The following GALNT3 variants were observed in gnomAD, a reference collection of about 807,000 sequenced individuals.
The protein encoded by GALNT3 is GalNAc transferase 3.
Under a neutral mutation model 69.8 loss-of-function variants are expected in GALNT3, and 51 were observed. The observed-to-expected ratio is 0.73, with a 90% confidence interval of 0.58 to 0.92. The LOEUF (loss-of-function observed/expected upper bound fraction) is 0.92, where lower values mean the gene tolerates loss of function less well. Ranked by LOEUF, GALNT3 falls within the 40% of genes least tolerant of loss-of-function variation. GALNT3 has a pLI of 0.00. For synonymous variants in GALNT3, 265 were observed against 248.5 expected (o/e 1.07, Z -0.63); for missense variants, 711 against 760.0 (o/e 0.94, Z 0.76).
chr2:165,786,603 A>G, intron 1 of GALNT3, among the ~76,000 whole-genome samples: 1 of 152,106 alleles, frequency 6.6e-6, no homozygotes, highest in Non-Finnish European at 1.5e-5. Flanking sequence ...GTGCTTTTTT[A>G]TATTATTTTT....
In GALNT3 at chr2:165,787,131, T is replaced by C. The variant is rs555644673; in HGVS notation, c.-109+6884A>G. Among the ~76,000 whole-genome samples, 3 of 152,254 alleles carry C rather than the reference T, an allele frequency of 2.0e-5. No individual in the cohort carries two copies. In the South Asian group the frequency reaches 6.2e-4, roughly 32 times the overall value. ...AGCCTACAGCCTTCACTCTAACCCA[T>C]AGTTAGGGGGAAGGATGTGGTGAGA... On this transcript the variant is annotated intron_variant, in intron 1 of 10. Coordinates refer to ENST00000392701, the MANE Select transcript of GALNT3 (RefSeq NM_004482.4).
In GALNT3 at chr2:165,770,334, C is replaced by A. The variant is rs1483254715; in HGVS notation, c.367G>T (p.Ala123Ser). The change falls in exon 2 of 11, where the codon GCT becomes TCT. Residue 123 changes from alanine to serine, a missense_variant. Physicochemically the swap from Ala to Ser is moderately conservative, Grantham distance 99. Transcript: ENST00000392701. The stretch of plus-strand genomic sequence containing the variant: ...GTTGTCTTGAATGCTTTACCAGAAG[C>A]ACCAGGTGCATTTGAATCCTGAGGT... Reference protein sequence around the residue: ...RPPQDSNAPGASGKAFKTTNL... With the variant: ...RPPQDSNAPGSSGKAFKTTNL... 1 of 1,614,142 alleles carries A rather than the reference C, an allele frequency of 6.2e-7. No individual in the cohort carries two copies. The highest frequency in any genetic ancestry group is 8.5e-7 in the Non-Finnish European group (1 of 1,180,022).
Position 165,770,794 on chromosome 2 carries a change from C to A in GALNT3, c.-94G>T. On this transcript the variant is annotated 5_prime_UTR_variant, in exon 2 of 11. Coordinates refer to ENST00000392701, the MANE Select transcript of GALNT3 (RefSeq NM_004482.4). ...CATAGATTTGCTGAGAAGAAGGTAT[C>A]TTTAATGGTAGTACCTATAAACAGA... is the stretch of plus-strand genomic sequence containing the variant. The A allele has an allele frequency of 1.4e-5, 19 of 1,379,162 alleles. No homozygotes were observed. The highest frequency in any genetic ancestry group is 1.8e-5 in the Non-Finnish European group (18 of 998,582). The allele number at this position is 1,379,162 out of a possible 1,614,324, so 85.4% of individuals were successfully genotyped here.
At chr2:165,760,491 C>G (rs2105408686) in intron 4 of GALNT3, among the ~76,000 whole-genome samples, 1 of 152,304 alleles carries the variant, frequency 6.6e-6, no homozygotes, top group East Asian at 1.9e-4. Context: ...TCCGGGAGGA[C>G]CGTCAGACAT....
intron 2 of GALNT3, among the ~76,000 whole-genome samples, chr2:165,769,031 C>G (rs926865504): frequency 2.9e-4 from 43 of 150,000 alleles, no homozygotes; most frequent in Non-Finnish European, 1.3e-4. Context: ...CTGACCTCAG[C>G]TGATCTGCCC....
chr2:165,748,932 A>C (rs1224965452), intron 10 of GALNT3, 29 bp from the exon 11 acceptor site: 2 of 1,595,642 alleles, frequency 1.3e-6, no homozygotes, highest in Admixed American at 3.4e-5. Flanking sequence ...ACAGACATTA[A>C]ATTCCAAGAC....
Position 165,762,219 on chromosome 2 carries a change from G to C in GALNT3, c.689-165C>G, listed in dbSNP as rs117615074. 1.3e-4 allele frequency among the ~76,000 whole-genome samples: 20 copies of C among 152,144 alleles called. No homozygotes were observed. The East Asian group carries it at 3.5e-3, about 26-fold the overall frequency. On this transcript the variant is annotated intron_variant, in intron 3 of 10. Coordinates refer to ENST00000392701, the MANE Select transcript of GALNT3 (RefSeq NM_004482.4). ...AAATTTTATCTTTAACTCCTTACTG[G>C]GGAAAAAGGCTAGCTATGCAAATTA...
intron 2 of GALNT3, among the ~76,000 whole-genome samples, chr2:165,765,468 G>C (rs1487714080): frequency 1.3e-5 from 2 of 151,260 alleles, no homozygotes; most frequent in East Asian, 3.9e-4. Context: ...TTTCATATTT[G>C]CAACTTTAAA....
At chr2:165,786,820 G>A (rs1051734289) in intron 1 of GALNT3, among the ~76,000 whole-genome samples, 5 of 152,084 alleles carry the variant, frequency 3.3e-5, no homozygotes, top group South Asian at 2.1e-4. Flanking sequence ...AAATAGGGAG[G>A]AAAATAGTAT....
rs772497664 is a variant in GALNT3, at chr2:165,764,927, T to A, written c.645A>T (p.Ile215=). The change falls in exon 3 of 11, where the codon ATA becomes ATT. Residue 215 remains isoleucine (I), a synonymous_variant. Coordinates refer to ENST00000392701, the MANE Select transcript of GALNT3 (RefSeq NM_004482.4). ...VHSVLYSSPA[I]LLKEIILVDD... ...CCACCAAAATGATTTCCTTCAGCAG[T>A]ATTGCAGGTGAAGAATAGAGCACAC... 6.2e-7 allele frequency: 1 copy of A among 1,614,178 alleles called. No homozygotes were observed. The highest frequency in any genetic ancestry group is 1.7e-5 in the Admixed American group (1 of 60,024).
At chr2:165,749,489 TTAA>T (rs1430043334) in intron 10 of GALNT3, among the ~76,000 whole-genome samples, 1 of 152,078 alleles carries the variant, frequency 6.6e-6, no homozygotes, top group African/African-American at 2.4e-5. Flanking sequence ...GCGACTAATA[TTAA>T]TAATTCACAG....
At chr2:165,788,532 A>G (rs1296661717) in intron 1 of GALNT3, among the ~76,000 whole-genome samples, 1 of 151,106 alleles carries the variant, frequency 6.6e-6, no homozygotes, top group Non-Finnish European at 1.5e-5. Context: ...AAAGCAGACT[A>G]TATTTATATC....
chr2:165,778,245 C>T (rs1683016885), intron 1 of GALNT3, among the ~76,000 whole-genome samples: 1 of 152,192 alleles, frequency 6.6e-6, no homozygotes. Flanking sequence ...TTACTTATGG[C>T]ATACTACAGA....
Position 165,765,035 on chromosome 2 carries a change from C to T in GALNT3, c.537G>A (p.Lys179=). The change falls in exon 3 of 11, where the codon AAG becomes AAA. Residue 179 remains lysine (K), a synonymous_variant. Coordinates refer to ENST00000392701, the MANE Select transcript of GALNT3 (RefSeq NM_004482.4). ...TGGTGGTGGGCAGGGGAGGGCAGCG[C>T]TTAAATTTTTGTTCAATACATCTAG... ...RPPECIEQKF[K]RCPPLPTTSV... 7 of 1,614,058 alleles carry T rather than the reference C, an allele frequency of 4.3e-6. No individual in the cohort carries two copies. Among genetic ancestry groups the T allele is most frequent in the Non-Finnish European group, 5.9e-6 (7 of 1,179,986 alleles).
Position 165,749,258 on chromosome 2 carries a change from A to G in GALNT3, c.1780-355T>C, listed in dbSNP as rs537563169. 1.6e-4 allele frequency among the ~76,000 whole-genome samples: 24 copies of G among 152,292 alleles called. No homozygotes were observed. The South Asian group carries it at 5.0e-3, about 32-fold the overall frequency. On this transcript the variant is annotated intron_variant, in intron 10 of 10. Transcript: ENST00000392701. ...GTACTGCACAAAACAATGTTCAGGT[A>G]AGAATTGCTATGATACAGCTAAGCC...
chr2:165,754,917 C>T lies in GALNT3; in HGVS notation c.1524+15G>A. ...AGGAGTATATTAATTAAAAAAGGAACAGGAAAATACTCACGTATCCAGATA... is the reference window on the plus strand; with the variant it reads ...AGGAGTATATTAATTAAAAAAGGAATAGGAAAATACTCACGTATCCAGATA... On this transcript the variant is annotated intron_variant, in intron 8 of 10. Transcript: ENST00000392701. 6.2e-7 allele frequency: 1 copy of T among 1,612,692 alleles called. No individual in the cohort carries two copies. The highest frequency in any genetic ancestry group is 8.5e-7 in the Non-Finnish European group (1 of 1,178,988).
chr2:165,748,906 A>T lies in GALNT3; in HGVS notation c.1780-3T>A. 1 of 1,608,324 alleles carries T rather than the reference A, an allele frequency of 6.2e-7. No individual in the cohort carries two copies. The highest frequency in any genetic ancestry group is 1.3e-5 in the African/African-American group (1 of 74,886). On this transcript the variant is annotated splice_region_variant and splice_polypyrimidine_tract_variant and intron_variant, in intron 10 of 10. Coordinates refer to ENST00000392701, the MANE Select transcript of GALNT3 (RefSeq NM_004482.4). ...AATGGATTGTATAGAAGTTGATCCTAGAATAAAAGGAAACAACAGACATTA... is the reference window on the plus strand; with the variant it reads ...AATGGATTGTATAGAAGTTGATCCTTGAATAAAAGGAAACAACAGACATTA...
intron 5 of GALNT3, among the ~76,000 whole-genome samples, chr2:165,759,108 G>A (rs1366288233): frequency 3.9e-5 from 6 of 152,132 alleles, no homozygotes; most frequent in African/African-American, 1.4e-4. Context: ...CGATTTTTAA[G>A]TAATGATTGA....
At chr2:165,783,369 T>C (rs1574016549) in intron 1 of GALNT3, among the ~76,000 whole-genome samples, 1 of 151,738 alleles carries the variant, frequency 6.6e-6, no homozygotes, top group Non-Finnish European at 1.5e-5. Context: ...AGGCAATTTC[T>C]CTCCATTCAT....
Sources: allele counts gnomAD v4.1 joint callset (sites outside exome capture counted in the v4.1 genomes callset), GRCh38; gene constraint gnomAD v4.1.1; transcripts MANE v1.5; gene names NCBI Gene and HGNC (gene_info 2026-07-23, HGNC 2026-07-21).